SFMBT1: variants seen among roughly 807,000 people sequenced by gnomAD.
The protein encoded by SFMBT1 is Scm like with four mbt domains 1.
In SFMBT1, 32 loss-of-function variants were observed where a neutral mutation model predicts 108.7. The ratio of observed to expected loss-of-function variants is 0.29; its 90% CI spans 0.22 to 0.40. SFMBT1 has a LOEUF of 0.40. Ranked by LOEUF, SFMBT1 falls within the 10% of genes least tolerant of loss-of-function variation. SFMBT1 has a pLI of 1.00. For synonymous variants in SFMBT1, 348 were observed against 369.5 expected, an observed-to-expected ratio of 0.94 and a Z score of 0.67; for missense variants, 816 against 1,059.6, an observed-to-expected ratio of 0.77 and a Z score of 3.19.
chr3:52,938,475 T>C (rs943742261), intron 4 of SFMBT1, among the ~76,000 whole-genome samples: 2 of 152,270 alleles, frequency 1.3e-5, no homozygotes, highest in African/African-American at 4.8e-5. Context: ...CTTTTAGTCC[T>C]CTCTATTTTT....
intron 1 of SFMBT1, among the ~76,000 whole-genome samples, chr3:53,022,310 C>T (rs1313442483): frequency 1.3e-5 from 2 of 151,926 alleles, no homozygotes; most frequent in Admixed American, 6.6e-5. Flanking sequence ...ATTAGCTGAA[C>T]ATGGTGGCAT....
At chr3:52,944,493 T>G (rs552945090) in intron 3 of SFMBT1, among the ~76,000 whole-genome samples, 1 of 152,140 alleles carries the variant, frequency 6.6e-6, no homozygotes, top group African/African-American at 2.4e-5. Flanking sequence ...TAAGCAAATA[T>G]AGTGTACAAA....
At chr3:53,013,620 T>C (rs959299321) in intron 1 of SFMBT1, among the ~76,000 whole-genome samples, 23 of 94,356 alleles carry the variant, frequency 2.4e-4, no homozygotes, top group Non-Finnish European at 4.4e-4. Flanking sequence ...AGAATCTTTT[T>C]TTTTTTTTTT....
intron 1 of SFMBT1, among the ~76,000 whole-genome samples, chr3:52,996,042 G>C (rs1698315757): frequency 6.9e-6 from 1 of 145,750 alleles, no homozygotes; most frequent in South Asian, 2.3e-4. Flanking sequence ...CTACACTCTA[G>C]CCTGGGCAAC....
chr3:52,943,464 C>T lies in SFMBT1; in HGVS notation c.253G>A (p.Asp85Asn). 6.2e-7 allele frequency: 1 copy of T among 1,614,082 alleles called. No homozygotes were observed. The highest frequency in any genetic ancestry group is 2.2e-5 in the East Asian group (1 of 44,902). The change falls in exon 4 of 21, where the codon GAT becomes AAT. Residue 85 changes from aspartate (D) to asparagine (N), a missense_variant. Coordinates refer to ENST00000394752, the MANE Select transcript of SFMBT1 (RefSeq NM_016329.4). ...TCEQLLLLRY[D>N]GYGEDRRADF... ...GCTCTCCGATCCTCCCCATAGCCAT[C>T]ATAGCGGAGAAGGAGCAACTGCTCA...
intron 1 of SFMBT1, among the ~76,000 whole-genome samples, chr3:53,014,476 AAAAACAAAAC>A (rs10576412): frequency 0.087 from 12,766 of 146,420 alleles, 1,397 homozygotes; most frequent in African/African-American, 0.26. Context: ...TGTATTTAAA[AAAAACAAAAC>A]AAAACAAAAC....
intron 1 of SFMBT1, among the ~76,000 whole-genome samples, chr3:52,992,363 C>T (rs1035539422): frequency 1.8e-4 from 28 of 152,216 alleles, no homozygotes; most frequent in Non-Finnish European, 3.4e-4. Flanking sequence ...CTCTATTTTA[C>T]ATTACGTGAT....
intron 1 of SFMBT1, among the ~76,000 whole-genome samples, chr3:52,971,723 A>G: frequency 6.6e-6 from 1 of 152,232 alleles, no homozygotes; most frequent in East Asian, 1.9e-4. Context: ...CTAGATGATA[A>G]GAAAGAATAT....
At chr3:52,982,703 T>C (rs967286159) in intron 1 of SFMBT1, among the ~76,000 whole-genome samples, 3 of 117,488 alleles carry the variant, frequency 2.6e-5, no homozygotes, top group African/African-American at 1.0e-4. Flanking sequence ...CACTCCAGCC[T>C]GGGCGACAGA....
rs950113711 is a variant in SFMBT1, at chr3:53,001,791, T to C, written c.-130-32533A>G. Among the ~76,000 whole-genome samples the C allele has an allele frequency of 2.7e-5, 4 of 145,986 alleles. 1 individual carries two copies. In the South Asian group the frequency reaches 8.6e-4, roughly 31 times the overall value. On this transcript the variant is annotated intron_variant, in intron 1 of 20. Transcript: ENST00000394752. ...ATTGTAAAAAATTTGCCAGGCATGG[T>C]GGCTCATGACTGTGGTCCCAACTAC...
chr3:53,030,083 CA>C (rs200123372), intron 1 of SFMBT1, among the ~76,000 whole-genome samples: 2 of 149,396 alleles, frequency 1.3e-5, no homozygotes, highest in African/African-American at 2.5e-5. Context: ...TTTGCAGCAG[CA>C]AAAAAAAACC....
chr3:52,991,691 C>A (rs984526531), intron 1 of SFMBT1, among the ~76,000 whole-genome samples: 7 of 152,076 alleles, frequency 4.6e-5, no homozygotes, highest in Admixed American at 2.0e-4. Context: ...AGACGTGTGG[C>A]CTTTCAGGAA....
chr3:53,012,789 A>C (rs2106930537), intron 1 of SFMBT1, among the ~76,000 whole-genome samples: 1 of 151,594 alleles, frequency 6.6e-6, no homozygotes, highest in Admixed American at 6.5e-5. Context: ...TACATATCAT[A>C]TGATTCAAGG....
At chr3:52,921,043 C>G (rs1702506588) in intron 11 of SFMBT1, among the ~76,000 whole-genome samples, 1 of 152,100 alleles carries the variant, frequency 6.6e-6, no homozygotes, top group Non-Finnish European at 1.5e-5. Flanking sequence ...CAGGAATAAG[C>G]CAGAAAAGAA....
chr3:52,905,237 T>C lies in SFMBT1; in HGVS notation c.2500A>G (p.Thr834Ala), dbSNP rs201883615. ...TTTAAGTCCATGCATTCTTGAACAG[T>C]GGGAAGGGTAAGGAGCAACAGGGCC... ...GQALLLLTLP[T>A]VQECMDLKLG... Residue 834 changes from threonine to alanine, a missense_variant, in exon 21 of 21, where the codon ACT (threonine) becomes GCT (alanine). This residue lies in a region of SFMBT1 where 49 missense variants were observed against 91.8 expected (regional missense o/e 0.53). Transcript: ENST00000394752. 74 of 1,613,792 alleles carry C rather than the reference T, an allele frequency of 4.6e-5. No individual in the cohort carries two copies. The highest frequency in any genetic ancestry group is 6.0e-5 in the Non-Finnish European group (71 of 1,179,924).
intron 3 of SFMBT1, among the ~76,000 whole-genome samples, chr3:52,946,576 T>C (rs1421849620): frequency 1.3e-5 from 2 of 152,244 alleles, no homozygotes; most frequent in African/African-American, 2.4e-5. Context: ...ATTTATTCAT[T>C]CCACTTCTAC....
intron 1 of SFMBT1, among the ~76,000 whole-genome samples, chr3:53,000,034 T>C (rs1019661030): frequency 1.3e-5 from 2 of 149,854 alleles, no homozygotes; most frequent in African/African-American, 2.4e-5. Context: ...GGCTAATTTT[T>C]TGTATTTTTA....
intron 1 of SFMBT1, among the ~76,000 whole-genome samples, chr3:52,996,862 G>A (rs1268170722): frequency 6.7e-6 from 1 of 149,990 alleles, no homozygotes; most frequent in Non-Finnish European, 1.5e-5. Context: ...GAGGTCAGGA[G>A]ATTGAGACCA....
At chr3:52,948,830 T>A (rs868545480) in intron 3 of SFMBT1, among the ~76,000 whole-genome samples, 92 of 129,824 alleles carry the variant, frequency 7.1e-4, no homozygotes, top group African/African-American at 2.6e-3. Context: ...TTTTAATTTT[T>A]TTTTTTTTTT....
Sources: gnomAD v4.1 joint callset for allele counts (sites outside exome capture counted in the v4.1 genomes callset) on GRCh38, gnomAD v4.1.1 for gene constraint, gnomAD v4.1.1 regional missense constraint, MANE v1.5 for transcripts, NCBI Gene and HGNC (gene_info 2026-07-23, HGNC 2026-07-21) for gene names.